CSMD1: variants seen among roughly 807,000 people sequenced by gnomAD.
CSMD1 encodes the protein CUB and Sushi multiple domains 1, also known as CUB and sushi domain-containing protein 1.
A neutral mutation model predicts 417.5 loss-of-function variants in CSMD1; 213 were observed. That is an observed-to-expected ratio of 0.51 (90% CI 0.46 to 0.57). The LOEUF is 0.57. Ranked by LOEUF, CSMD1 falls within the 20% of genes least tolerant of loss-of-function variation. The pLI, the probability that CSMD1 is intolerant of heterozygous loss-of-function variation, is 0.00. For synonymous variants in CSMD1, 2,862 were observed against 1,736.8 expected (o/e 1.65, Z -16.11); for missense variants, 6,923 against 4,529.7 (o/e 1.53, Z -15.17).
chr8:3,270,469 G>A (rs1351016745), intron 26 of CSMD1, among the ~76,000 whole-genome samples: 2 of 152,114 alleles, frequency 1.3e-5, no homozygotes, highest in East Asian at 1.9e-4. Flanking sequence ...AAAAACTATG[G>A]TTACTTAAAA....
intron 3 of CSMD1, among the ~76,000 whole-genome samples, chr8:4,264,440 A>C (rs1379707054): frequency 3.9e-5 from 6 of 152,236 alleles, no homozygotes. Context: ...TAATAAAACA[A>C]ATTACTGGTA....
intron 5 of CSMD1, among the ~76,000 whole-genome samples, chr8:3,889,909 A>G (rs1005441250): frequency 1.3e-5 from 2 of 152,178 alleles, no homozygotes; most frequent in African/African-American, 4.8e-5. Flanking sequence ...TGAGTTGCGC[A>G]TAATGCCACA....
At chr8:3,753,761 T>C (rs563334820) in intron 6 of CSMD1, among the ~76,000 whole-genome samples, 169 bp downstream of exon 6, 1 of 152,364 alleles carries the variant, frequency 6.6e-6, no homozygotes, top group African/African-American at 2.4e-5. Context: ...ATAGCTTTAC[T>C]AATAAGTTCC....
intron 3 of CSMD1, among the ~76,000 whole-genome samples, chr8:4,036,594 G>A (rs1256978788): frequency 6.6e-6 from 1 of 152,096 alleles, no homozygotes; most frequent in African/African-American, 2.4e-5. Context: ...TTTTTAATAG[G>A]GAAAAATTAA....
At chr8:4,721,804 C>T (rs1205211878) in intron 1 of CSMD1, among the ~76,000 whole-genome samples, 2 of 152,096 alleles carry the variant, frequency 1.3e-5, no homozygotes, top group Non-Finnish European at 2.9e-5. Context: ...TGTAAAGAAC[C>T]TAGGCATCCA....
intron 7 of CSMD1, among the ~76,000 whole-genome samples, chr8:3,654,618 C>T (rs1338720640): frequency 6.6e-6 from 1 of 152,164 alleles, no homozygotes; most frequent in African/African-American, 2.4e-5. Flanking sequence ...TTTTTCAAAG[C>T]AGGGCAGCCT....
In CSMD1 at chr8:3,299,482, C is replaced by T. The variant is rs181854319; in HGVS notation, c.3950+8213G>A. Among the ~76,000 whole-genome samples, 351 of 152,112 alleles carry T rather than the reference C, an allele frequency of 2.3e-3. 3 individuals carry two copies. The highest frequency in any genetic ancestry group is 7.0e-3 in the African/African-American group (291 of 41,514). ...AAAAAGGAATGCAATGTGGTATCAT[C>T]GCTAAGGAACTCTGTGATATCAGAT... On this transcript the variant is annotated intron_variant, in intron 25 of 69. Transcript: ENST00000635120.
chr8:4,359,089 A>C (rs1275895801), intron 3 of CSMD1, among the ~76,000 whole-genome samples: 1 of 152,174 alleles, frequency 6.6e-6, no homozygotes, highest in South Asian at 2.1e-4. Flanking sequence ...TACACATAGT[A>C]TATTAATAAA....
intron 3 of CSMD1, among the ~76,000 whole-genome samples, chr8:4,336,088 A>T (rs1331043538): frequency 6.6e-6 from 1 of 152,104 alleles, no homozygotes; most frequent in Non-Finnish European, 1.5e-5. Context: ...CAATCCACTA[A>T]TTGATGAGAA....
At chr8:4,342,038 G>GAT (rs569915545) in intron 3 of CSMD1, among the ~76,000 whole-genome samples, 4 of 152,056 alleles carry the variant, frequency 2.6e-5, no homozygotes, top group Non-Finnish European at 4.4e-5. Context: ...ACAAATTCTT[G>GAT]ATATGAATTT....
At chr8:3,540,661 A>G (rs1024409382) in intron 10 of CSMD1, among the ~76,000 whole-genome samples, 2 of 152,198 alleles carry the variant, frequency 1.3e-5, no homozygotes, top group African/African-American at 4.8e-5. Context: ...TCCAGAATCT[A>G]CAAGGAACTC....
chr8:4,117,625 G>A (rs1336919303), intron 3 of CSMD1, among the ~76,000 whole-genome samples: 1 of 152,208 alleles, frequency 6.6e-6, no homozygotes. Context: ...GAGAAAAGGT[G>A]TGTTAAAACG....
intron 52 of CSMD1, among the ~76,000 whole-genome samples, chr8:3,010,974 C>A (rs1808341864): frequency 6.6e-6 from 1 of 152,082 alleles, no homozygotes; most frequent in South Asian, 2.1e-4. Context: ...GATCTGCCCA[C>A]CTCGGCCTCC....
At chr8:4,750,047 C>T (rs1006399319) in intron 1 of CSMD1, among the ~76,000 whole-genome samples, 1 of 150,930 alleles carries the variant, frequency 6.6e-6, no homozygotes, top group Non-Finnish European at 1.5e-5. Context: ...CGCTCTGTCG[C>T]CCAGGCTGGA....
At chr8:4,052,625 C>T (rs1798491151) in intron 3 of CSMD1, among the ~76,000 whole-genome samples, 1 of 152,138 alleles carries the variant, frequency 6.6e-6, no homozygotes, top group Non-Finnish European at 1.5e-5. Context: ...ACCAGTATTT[C>T]AACCTAGGCA....
At chr8:3,680,311 G>A (rs201824952) in intron 7 of CSMD1, among the ~76,000 whole-genome samples, 1 of 152,090 alleles carries the variant, frequency 6.6e-6, no homozygotes, top group East Asian at 1.9e-4. Context: ...AAGAAGAAAA[G>A]AGAGAAGAAT....
intron 1 of CSMD1, among the ~76,000 whole-genome samples, chr8:4,953,757 C>T (rs1444066757): frequency 6.6e-6 from 1 of 152,122 alleles, no homozygotes. Context: ...ACCTGTCTTT[C>T]TGCAAGGCTA....
chr8:4,468,148 G>A (rs936138821), intron 2 of CSMD1, among the ~76,000 whole-genome samples: 3 of 152,134 alleles, frequency 2.0e-5, no homozygotes, highest in Non-Finnish European at 4.4e-5. Flanking sequence ...AAAGCCTACA[G>A]CTCTCTATTT....
chr8:3,507,531 T>A (rs558884959), intron 10 of CSMD1, among the ~76,000 whole-genome samples: 5 of 152,194 alleles, frequency 3.3e-5, no homozygotes, highest in East Asian at 3.9e-4. Flanking sequence ...GTAATGGGAT[T>A]GCTGGGTCAA....
Sources: gnomAD v4.1 joint callset for allele counts (sites outside exome capture counted in the v4.1 genomes callset) on GRCh38, gnomAD v4.1.1 for gene constraint, MANE v1.5 for transcripts, NCBI Gene and HGNC (gene_info 2026-07-23, HGNC 2026-07-21) for gene names.